The following CREB5 variants were observed in gnomAD, a reference collection of about 807,000 sequenced individuals.
The protein encoded by CREB5 is cyclic AMP-responsive element-binding protein 5.
In CREB5, 19 loss-of-function variants were observed where a neutral mutation model predicts 57.1. That is an observed-to-expected ratio of 0.33 (90% confidence interval 0.23 to 0.49). CREB5 has a LOEUF of 0.49. CREB5 is among the 20% of genes least tolerant of loss of function. CREB5 has a pLI of 0.99. For synonymous variants in CREB5, 238 were observed against 238.3 expected (o/e 1.00, Z 0.01); for missense variants, 579 against 671.6 (o/e 0.86, Z 1.52).
At chr7:28,323,335 C>A (rs1174086854) in intron 1 of CREB5, among the ~76,000 whole-genome samples, 1 of 152,168 alleles carries the variant, frequency 6.6e-6, no homozygotes, top group Non-Finnish European at 1.5e-5. Context: ...CTTCACTTTT[C>A]CATGCTTCAA....
In CREB5 at chr7:28,507,625, C is replaced by T. The variant is rs760077074; in HGVS notation, c.179C>T (p.Pro60Leu). 26 of 1,609,558 alleles carry T rather than the reference C, an allele frequency of 1.6e-5. No homozygotes were observed. Among genetic ancestry groups the T allele is most frequent in the East Asian group, 1.1e-4 (5 of 44,790 alleles). The change falls in exon 4 of 11, where the codon CCG becomes CTG. Residue 60 changes from proline to leucine, a missense_variant. By Grantham distance (98) the Pro-to-Leu change is moderately conservative (BLOSUM62 -3). Around this residue, in one of 3 missense-constraint regions of CREB5, gnomAD observed 459 missense variants for 515.7 expected, o/e 0.89. Coordinates refer to ENST00000357727, the MANE Select transcript of CREB5 (RefSeq NM_182898.4). ...CCGACTCTGTTTTCAGATCAAACTC[C>T]GACCCCAACGAGATTCCTGAAGAAC... ...KTDNMLSDQT[P>L]TPTRFLKNCE...
At chr7:28,407,428 G>A (rs1787607754) in intron 1 of CREB5, among the ~76,000 whole-genome samples, 1 of 152,150 alleles carries the variant, frequency 6.6e-6, no homozygotes, top group South Asian at 2.1e-4. Flanking sequence ...CTCATTCATA[G>A]TTGAGGCAAC....
At chr7:28,620,239 A>T (rs890589567) in intron 5 of CREB5, among the ~76,000 whole-genome samples, 1 of 152,158 alleles carries the variant, frequency 6.6e-6, no homozygotes, top group Non-Finnish European at 1.5e-5. Context: ...TTGTTTTATT[A>T]TTATTATTTT....
Position 28,304,588 on chromosome 7 carries a change from C to G in CREB5, c.-25+5147C>G, listed in dbSNP as rs138151435. Among the ~76,000 whole-genome samples the G allele has an allele frequency of 3.2e-3, 486 of 152,184 alleles. 3 individuals are homozygous for G. Among genetic ancestry groups the G allele is most frequent in the African/African-American group, 0.011 (461 of 41,532 alleles). On this transcript the variant is annotated intron_variant, in intron 1 of 9. Transcript: ENST00000396299. ...CACAAACTTGTTCCTATCTCTTTCA[C>G]CTAGGAAATCTCAAAAGCAATGAGA...
At chr7:28,430,708 C>G (rs897955049) in intron 1 of CREB5, among the ~76,000 whole-genome samples, 4 of 152,148 alleles carry the variant, frequency 2.6e-5, no homozygotes, top group African/African-American at 9.7e-5. Context: ...AAGTATGTAA[C>G]TTAGTTTGGA....
chr7:28,562,696 A>G (rs950319092), intron 4 of CREB5, among the ~76,000 whole-genome samples: 3 of 152,252 alleles, frequency 2.0e-5, no homozygotes, highest in Non-Finnish European at 4.4e-5. Context: ...AAGGGACACT[A>G]ATCAGACATT....
chr7:28,444,823 C>T (rs1789360806), intron 1 of CREB5, among the ~76,000 whole-genome samples: 2 of 152,214 alleles, frequency 1.3e-5, no homozygotes, highest in Non-Finnish European at 2.9e-5. Context: ...GAAACTCTAT[C>T]ACCCTGAAAC....
chr7:28,409,970 C>T (rs980194393), upstream of CREB5: 4 of 454,786 alleles, frequency 8.8e-6, no homozygotes, highest in East Asian at 7.0e-5. This position sits in a 1 kb window ranked among gnomAD's most constrained non-coding sequence, Gnocchi z 4.4. Context: ...GAACCTCCCC[C>T]CGCGTCCCCA....
At chr7:28,337,436 T>G (rs1167699319) in intron 1 of CREB5, among the ~76,000 whole-genome samples, 1 of 152,136 alleles carries the variant, frequency 6.6e-6, no homozygotes. Context: ...GACTCCTTTA[T>G]CATTATATAA....
chr7:28,503,200 T>C (rs1448976559), intron 3 of CREB5, among the ~76,000 whole-genome samples: 1 of 152,190 alleles, frequency 6.6e-6, no homozygotes, highest in African/African-American at 2.4e-5. Flanking sequence ...CCACAAGTAG[T>C]CTCAGCAAGG....
intron 4 of CREB5, among the ~76,000 whole-genome samples, chr7:28,525,472 C>T (rs1793407440): frequency 6.6e-6 from 1 of 152,158 alleles, no homozygotes; most frequent in African/African-American, 2.4e-5. Context: ...CTTTCTTCCA[C>T]ATCCTCACCA....
At chr7:28,741,089 A>C (rs190061793) in intron 7 of CREB5, among the ~76,000 whole-genome samples, 22 of 151,842 alleles carry the variant, frequency 1.4e-4, no homozygotes, top group African/African-American at 5.1e-4. Flanking sequence ...AATTGAGCAC[A>C]GTTCAGGAGG....
chr7:28,595,488 T>G (rs775438933), intron 5 of CREB5, among the ~76,000 whole-genome samples: 3 of 152,208 alleles, frequency 2.0e-5, no homozygotes, highest in Non-Finnish European at 4.4e-5. Context: ...CATTTCTTTC[T>G]GCCTCTATCT....
chr7:28,668,061 A>G (rs552250071), intron 5 of CREB5, among the ~76,000 whole-genome samples: 8 of 152,308 alleles, frequency 5.3e-5, no homozygotes, highest in African/African-American at 1.9e-4. Context: ...TACAAAAATC[A>G]CACATTTTCA....
intron 5 of CREB5, among the ~76,000 whole-genome samples, chr7:28,597,642 A>G (rs748049598): frequency 3.1e-4 from 47 of 152,208 alleles, no homozygotes; most frequent in Non-Finnish European, 2.4e-4. Flanking sequence ...GGAATTAATG[A>G]TTGATCCTCT....
Position 28,823,683 on chromosome 7 carries a change from C to T in CREB5, c.*4404C>T, listed in dbSNP as rs1186044585. 6.6e-6 allele frequency: 1 copy of T among 152,216 alleles called. No homozygotes were observed. Among genetic ancestry groups the T allele is most frequent in the African/African-American group, 2.4e-5 (1 of 41,426 alleles). 9.4% of individuals were successfully genotyped at this position (152,216 alleles called of 1,614,324 possible). A position where few individuals can be genotyped will look rare whatever the true frequency, so the allele number is the denominator to read the frequency against. ...GAATCAGTAACTCTAACTGGAACAGCTTTCTTGTAGAAGTGTAAAAACAGC... is the reference window on the plus strand; with the variant it reads ...GAATCAGTAACTCTAACTGGAACAGTTTTCTTGTAGAAGTGTAAAAACAGC... On this transcript the variant is annotated 3_prime_UTR_variant, in exon 11 of 11. Transcript: ENST00000357727.
At chr7:28,448,399 A>G (rs140103498) in intron 1 of CREB5, among the ~76,000 whole-genome samples, 2 of 152,224 alleles carry the variant, frequency 1.3e-5, no homozygotes, top group East Asian at 1.9e-4. Context: ...ATTGCTTCCA[A>G]TATTTTCTAG....
chr7:28,686,025 T>C, intron 5 of CREB5: 1 of 1,035,346 alleles, frequency 9.7e-7, no homozygotes, highest in Non-Finnish European at 1.4e-6. Context: ...GAGCCAGAGC[T>C]AGGCGCAAAA....
chr7:28,728,172 T>C (rs1311284684), intron 7 of CREB5, among the ~76,000 whole-genome samples: 1 of 152,174 alleles, frequency 6.6e-6, no homozygotes, highest in Admixed American at 6.5e-5. Context: ...ATTCCTAGCC[T>C]CAGGAGATCT....
Sources: allele counts gnomAD v4.1 joint callset (sites outside exome capture counted in the v4.1 genomes callset), GRCh38; gene constraint gnomAD v4.1.1; regional missense constraint gnomAD v4.1.1; non-coding constraint Gnocchi (gnomAD v3.1); transcripts MANE v1.5; gene names NCBI Gene and HGNC (gene_info 2026-07-23, HGNC 2026-07-21).